MAN1A2: variants seen among roughly 807,000 people sequenced by gnomAD.
MAN1A2 encodes mannosyl-oligosaccharide 1,2-alpha-mannosidase IB.
In MAN1A2, 26 loss-of-function variants were observed where a neutral mutation model predicts 75.7. The observed-to-expected ratio is 0.34, with a 90% confidence interval of 0.25 to 0.48. The LOEUF (loss-of-function observed/expected upper bound fraction) is 0.48, where lower values mean the gene tolerates loss of function less well. Ranked by LOEUF, MAN1A2 falls within the 20% of genes least tolerant of loss-of-function variation. MAN1A2 has a pLI of 0.99. For missense variants in MAN1A2, 562 were observed against 775.5 expected (o/e 0.72, Z 3.27); for synonymous variants, 247 against 264.6 (o/e 0.93, Z 0.65).
intron 7 of MAN1A2, 136 bp downstream of exon 7, chr1:117,460,748 T>C: frequency 1.9e-6 from 2 of 1,041,160 alleles, no homozygotes; most frequent in South Asian, 3.0e-5. Context: ...TTTTTTCTTT[T>C]GAAGTTACTC....
chr1:117,461,353 G>T (rs559965802), intron 7 of MAN1A2, among the ~76,000 whole-genome samples: 1 of 152,230 alleles, frequency 6.6e-6, no homozygotes, highest in Admixed American at 6.6e-5. Flanking sequence ...AAAATAAATT[G>T]ATCTCACGGA....
chr1:117,429,753 G>T (rs1477782888), intron 5 of MAN1A2, among the ~76,000 whole-genome samples: 2 of 110,308 alleles, frequency 1.8e-5, no homozygotes, highest in East Asian at 5.6e-4. Context: ...CTGGCCGGGC[G>T]GGGGGCTGAC....
intron 3 of MAN1A2, among the ~76,000 whole-genome samples, chr1:117,406,188 C>T (rs1203251081): frequency 6.6e-6 from 1 of 152,116 alleles, no homozygotes; most frequent in East Asian, 1.9e-4. Flanking sequence ...ATCCTACTTT[C>T]CCTGAGCTCA....
chr1:117,368,413 A>G lies in MAN1A2; in HGVS notation c.230A>G (p.His77Arg). The change falls in exon 1 of 13, where the codon CAT becomes CGT. Residue 77 changes from histidine to arginine, a missense_variant. Transcript: ENST00000356554. ...GGTTTAGAAGATGTGTTAATTCCAC[A>G]TGTAGATGCCGGTAAAGGGGCTAAA... ...DLGLEDVLIPHVDAGKGAKNP... is the reference protein window; with the variant it reads ...DLGLEDVLIPRVDAGKGAKNP... The G allele has an allele frequency of 6.2e-7, 1 of 1,614,062 alleles. No individual in the cohort carries two copies. Among genetic ancestry groups the G allele is most frequent in the Non-Finnish European group, 8.5e-7 (1 of 1,179,982 alleles).
chr1:117,498,341 A>C (rs1390458376), intron 10 of MAN1A2, among the ~76,000 whole-genome samples: 1 of 151,900 alleles, frequency 6.6e-6, no homozygotes, highest in African/African-American at 2.4e-5. Context: ...AAATCAAATA[A>C]TAGACCTAAA....
rs115109680 is a variant in MAN1A2, at chr1:117,471,993, A to C, written c.1168+5566A>C. 3.1e-3 allele frequency among the ~76,000 whole-genome samples: 467 copies of C among 152,052 alleles called. 3 individuals carry two copies. Among genetic ancestry groups the C allele is most frequent in the African/African-American group, 0.011 (446 of 41,534 alleles). On this transcript the variant is annotated intron_variant, in intron 8 of 12. Coordinates refer to ENST00000356554, the MANE Select transcript of MAN1A2 (RefSeq NM_006699.5). ...TAGGAAAAGGAAAGGCTTACAGCAGAAGGACATACTAGAAAGCTAATATAA... is the reference window on the plus strand; with the variant it reads ...TAGGAAAAGGAAAGGCTTACAGCAGCAGGACATACTAGAAAGCTAATATAA...
chr1:117,376,032 C>T (rs1376879840), intron 1 of MAN1A2, among the ~76,000 whole-genome samples: 2 of 151,958 alleles, frequency 1.3e-5, no homozygotes, highest in South Asian at 2.1e-4. Flanking sequence ...CTGCCTCAGC[C>T]GCCCGAGTAG....
At chr1:117,483,832 T>G (rs1650579096) in intron 8 of MAN1A2, among the ~76,000 whole-genome samples, 1 of 152,068 alleles carries the variant, frequency 6.6e-6, no homozygotes. Flanking sequence ...AGGGAATGCT[T>G]CCAGTTTTTG....
At chr1:117,494,695 TAGG>T (rs1178413843) in intron 9 of MAN1A2, 2 of 152,032 alleles carry the variant, frequency 1.3e-5, no homozygotes, top group Non-Finnish European at 2.9e-5. Context: ...TAAATTTTAG[TAGG>T]AGAACTTTAT....
intron 3 of MAN1A2, among the ~76,000 whole-genome samples, chr1:117,412,645 A>C (rs1647860708): frequency 1.3e-5 from 2 of 151,782 alleles, no homozygotes; most frequent in African/African-American, 2.4e-5. Flanking sequence ...TCTCATACTA[A>C]ATTTTTATGA....
At position 117,502,883 on chromosome 1, in the gene MAN1A2, G is replaced by C. The variant is rs759200994; in HGVS notation, c.1706G>C (p.Gly569Ala). Residue 569 changes from glycine (G) to alanine (A), a missense_variant, in exon 12 of 13, where the codon GGT (glycine) becomes GCT (alanine). Around this residue, in one of 2 missense-constraint regions of MAN1A2, gnomAD observed 434 missense variants for 645.7 expected, o/e 0.67. Transcript: ENST00000356554. Reference sequence around the variant, plus strand: ...ATTGAAAAGTATTGCCGAGTTAATGGTGGGTTTTCTGGAGTCAAAGATGTA... The same window carrying C: ...ATTGAAAAGTATTGCCGAGTTAATGCTGGGTTTTCTGGAGTCAAAGATGTA... ...LAIEKYCRVNGGFSGVKDVYS... is the reference protein window; with the variant it reads ...LAIEKYCRVNAGFSGVKDVYS... 6.2e-7 allele frequency: 1 copy of C among 1,605,582 alleles called. No individual in the cohort carries two copies. The highest frequency in any genetic ancestry group is 8.5e-7 in the Non-Finnish European group (1 of 1,174,190).
chr1:117,390,991 A>C (rs1453580434), intron 1 of MAN1A2, among the ~76,000 whole-genome samples: 1 of 152,142 alleles, frequency 6.6e-6, no homozygotes, highest in Non-Finnish European at 1.5e-5. Flanking sequence ...TGGTATGTTT[A>C]GTATATTCAC....
chr1:117,415,672 T>C (rs1647967902), intron 4 of MAN1A2, among the ~76,000 whole-genome samples: 1 of 152,132 alleles, frequency 6.6e-6, no homozygotes, highest in Non-Finnish European at 1.5e-5. Flanking sequence ...TTATTTTTTT[T>C]TCATGTAAAT....
At chr1:117,446,619 C>A (rs1025189815) in intron 6 of MAN1A2, among the ~76,000 whole-genome samples, 8 of 151,954 alleles carry the variant, frequency 5.3e-5, no homozygotes, top group Non-Finnish European at 1.2e-4. Context: ...GTTTTGATTT[C>A]TAATTTAATT....
At chr1:117,452,681 A>T (rs1043317311) in intron 6 of MAN1A2, among the ~76,000 whole-genome samples, 3 of 152,266 alleles carry the variant, frequency 2.0e-5, no homozygotes, top group Non-Finnish European at 2.9e-5. Context: ...GAGGTTGGTT[A>T]TAAAGTTTAA....
chr1:117,450,551 A>G (rs2101823609), intron 6 of MAN1A2, among the ~76,000 whole-genome samples: 1 of 152,324 alleles, frequency 6.6e-6, no homozygotes, highest in African/African-American at 2.4e-5. Flanking sequence ...AAATGTCTCC[A>G]GGGCATGTCA....
At position 117,484,563 on chromosome 1, in the gene MAN1A2, GA is replaced by G. The variant is rs373112371; in HGVS notation, c.1169-8583del. ...TGCAATTTACTGAAGACACGGAGATGATTAGTGTCACAAGTTGTTTTAAGTG... is the reference window on the plus strand; with the variant it reads ...TGCAATTTACTGAAGACACGGAGATGTTAGTGTCACAAGTTGTTTTAAGTG... On this transcript the variant is annotated intron_variant, in intron 8 of 12. Transcript: ENST00000356554. 3.8e-3 allele frequency among the ~76,000 whole-genome samples: 585 copies of G among 152,084 alleles called. 7 individuals are homozygous for G. Among genetic ancestry groups the G allele is most frequent in the African/African-American group, 0.013 (556 of 41,536 alleles).
chr1:117,471,749 A>G (rs1370158143), intron 8 of MAN1A2, among the ~76,000 whole-genome samples: 1 of 151,872 alleles, frequency 6.6e-6, no homozygotes, highest in Non-Finnish European at 1.5e-5. Flanking sequence ...TTGTTTTAAT[A>G]TGATTTGTTA....
intron 1 of MAN1A2, among the ~76,000 whole-genome samples, chr1:117,384,897 A>G (rs1653472244): frequency 2.6e-5 from 4 of 152,212 alleles, no homozygotes; most frequent in Admixed American, 1.3e-4. Flanking sequence ...ACCAGCTGAC[A>G]AAAGAAAGAT....
Sources: allele counts gnomAD v4.1 joint callset (sites outside exome capture counted in the v4.1 genomes callset), GRCh38; gene constraint gnomAD v4.1.1; regional missense constraint gnomAD v4.1.1; transcripts MANE v1.5; gene names NCBI Gene and HGNC (gene_info 2026-07-23, HGNC 2026-07-21).